The following MCM9 variants were observed in gnomAD, a reference collection of about 807,000 sequenced individuals.
MCM9 encodes DNA helicase MCM9.
A neutral mutation model predicts 72.8 loss-of-function variants in MCM9; 55 were observed. That is an observed-to-expected ratio of 0.76 (90% CI 0.61 to 0.95). The LOEUF (loss-of-function observed/expected upper bound fraction) is 0.95. MCM9 is among the 40% of genes least tolerant of loss of function. MCM9 has a pLI of 0.00. For synonymous variants in MCM9, 480 were observed against 503.4 expected (o/e 0.95, Z 0.62); for missense variants, 1,279 against 1,377.0 (o/e 0.93, Z 1.13).
chr6:118,840,152 T>G (rs1343212005), intron 9 of MCM9, among the ~76,000 whole-genome samples: 10 of 140,052 alleles, frequency 7.1e-5, no homozygotes, highest in Non-Finnish European at 1.5e-4. Context: ...GAACTGTAGA[T>G]GGTAGATTTT....
chr6:118,906,913 C>G (rs559877872), intron 8 of MCM9, among the ~76,000 whole-genome samples: 1 of 152,252 alleles, frequency 6.6e-6, no homozygotes, highest in East Asian at 1.9e-4. Context: ...AATTTGTTAT[C>G]CCTGAAGCAC....
intron 8 of MCM9, among the ~76,000 whole-genome samples, chr6:118,875,768 T>A (rs1293870436): frequency 2.0e-5 from 3 of 152,184 alleles, no homozygotes; most frequent in East Asian, 3.8e-4. Flanking sequence ...ACAGGAATTG[T>A]CATTTATTGC....
chr6:118,913,246 C>CT (rs1252301861), intron 7 of MCM9, 49 bp downstream of exon 7: 1 of 1,597,880 alleles, frequency 6.3e-7, no homozygotes. Context: ...AAAGTTCTAG[C>CT]TTCCATCCAT....
rs1010662945 is a variant in MCM9 at position 118,856,490 on chromosome 6, T to C, written c.1206A>G (p.Ala402=). ...DSGEWNLEAG[A]LVLADAGLCC... ...AAAGGCCCGCATCTGCAAGAACTAA[T>C]GCCCCAGCCTCCAAATTCCATTCTC... The change falls in exon 9 of 14, where the codon GCA becomes GCG. Residue 402 remains alanine (A), a synonymous_variant. Transcript: ENST00000619706. 42 of 1,535,656 alleles carry C rather than the reference T, an allele frequency of 2.7e-5. No homozygotes were observed. The East Asian group carries it at 9.8e-4, about 36-fold the overall frequency.
At chr6:118,843,692 A>ATATATGTATGTATATATATATATG (rs1464258046) in intron 9 of MCM9, among the ~76,000 whole-genome samples, 1 of 63,792 alleles carries the variant, frequency 1.6e-5, no homozygotes, top group African/African-American at 6.7e-5. Context: ...ATATGTGTAT[A>ATATATGTATGTATATATATATATG]TATATATATA....
chr6:118,934,629 C>T (rs1009937992), intron 1 of MCM9, among the ~76,000 whole-genome samples: 3 of 152,086 alleles, frequency 2.0e-5, no homozygotes, highest in Admixed American at 1.3e-4. Flanking sequence ...CTCGGCTGCC[C>T]CAGGGGCGCC....
intron 9 of MCM9, among the ~76,000 whole-genome samples, chr6:118,847,422 CAAAAAAA>C (rs368957444): frequency 8.8e-6 from 1 of 113,890 alleles, no homozygotes; most frequent in African/African-American, 3.6e-5. Context: ...CATGAATCTT[CAAAAAAA>C]AAAAAAAAAA....
At chr6:118,866,163 G>A (rs2114274575) in intron 8 of MCM9, among the ~76,000 whole-genome samples, 1 of 152,276 alleles carries the variant, frequency 6.6e-6, no homozygotes, top group South Asian at 2.1e-4. Flanking sequence ...ACAACAGTCT[G>A]GATGAACTCG....
chr6:118,917,918 C>A, intron 5 of MCM9, 157 bp from the exon 6 acceptor site: 2 of 620,952 alleles, frequency 3.2e-6, no homozygotes, highest in Non-Finnish European at 5.6e-6. Flanking sequence ...CAGAATAGCA[C>A]CCCAGATTCT....
In MCM9 at chr6:118,815,071, C is replaced by A. The variant is rs776426031; in HGVS notation, c.3185G>T (p.Cys1062Phe). Reference sequence around the variant, plus strand: ...TTTGGATTCCGATGGGGGAGTAAAGCAGAAGTTTGCCAATCTGGCTAATGT... The same window carrying A: ...TTTGGATTCCGATGGGGGAGTAAAGAAGAAGTTTGCCAATCTGGCTAATGT... ...ACTLARLANFCFTPPSESKSK... is the reference protein window; with the variant it reads ...ACTLARLANFFFTPPSESKSK... The change falls in exon 14 of 14, where the codon TGC becomes TTC. Residue 1062 changes from cysteine (C) to phenylalanine (F), a missense_variant. Cys to Phe is a radical substitution (Grantham distance 205). Transcript: ENST00000619706. 12 of 1,550,662 alleles carry A rather than the reference C, an allele frequency of 7.7e-6. No homozygotes were observed. In the South Asian group the frequency reaches 1.4e-4, roughly 18 times the overall value.
At chr6:118,873,192 A>AGGAGG (rs1185119151) in intron 8 of MCM9, among the ~76,000 whole-genome samples, 78 of 48,776 alleles carry the variant, frequency 1.6e-3, no homozygotes, top group Non-Finnish European at 2.2e-3. Flanking sequence ...GGGAGGGGAG[A>AGGAGG]GGAGGGGAGG....
chr6:118,842,673 C>T lies in MCM9; in HGVS notation c.1326-13423G>A, dbSNP rs148358216. ...TATCTGGGACCACAGGCATGCATCA[C>T]CACGCTTTGCTATTTTTAAAATTTT... On this transcript the variant is annotated intron_variant, in intron 9 of 13. Coordinates refer to ENST00000619706, the MANE Select transcript of MCM9 (RefSeq NM_017696.3). 3.9e-3 allele frequency among the ~76,000 whole-genome samples: 593 copies of T among 152,234 alleles called. 7 individuals are homozygous for T. The highest frequency in any genetic ancestry group is 0.013 in the African/African-American group (547 of 41,522).
At chr6:118,856,175 C>A (rs1776541138) in intron 9 of MCM9, among the ~76,000 whole-genome samples, 196 bp downstream of exon 9, 5 of 152,154 alleles carry the variant, frequency 3.3e-5, no homozygotes, top group Admixed American at 3.3e-4. Flanking sequence ...TTTTCTCTTT[C>A]CCAATAGCTC....
chr6:118,904,897 G>C (rs576266374), intron 8 of MCM9, among the ~76,000 whole-genome samples: 175 of 152,320 alleles, frequency 1.1e-3, no homozygotes, highest in Non-Finnish European at 1.7e-3. Flanking sequence ...GAGTGCAGTA[G>C]TGCGATCTCA....
intron 8 of MCM9, chr6:118,900,957 T>A: frequency 9.6e-7 from 1 of 1,042,714 alleles, no homozygotes; most frequent in Non-Finnish European, 1.5e-6. Context: ...CTTATAACCC[T>A]TATCCCTTTC....
intron 9 of MCM9, among the ~76,000 whole-genome samples, chr6:118,844,435 A>G (rs1484552821): frequency 6.6e-6 from 1 of 151,698 alleles, no homozygotes; most frequent in African/African-American, 2.4e-5. Context: ...CAGATGATAG[A>G]TATACAATTG....
chr6:118,843,713 T>TAC (rs1172571404), intron 9 of MCM9, among the ~76,000 whole-genome samples: 3 of 80,962 alleles, frequency 3.7e-5, no homozygotes, highest in Admixed American at 1.5e-4. Context: ...TGTATGTATA[T>TAC]ATATATGTAT....
chr6:118,888,361 C>G (rs1404578770), intron 8 of MCM9, among the ~76,000 whole-genome samples: 1 of 152,070 alleles, frequency 6.6e-6, no homozygotes, highest in Non-Finnish European at 1.5e-5. Context: ...GTGGCGGGCG[C>G]CTGTAGTCCC....
At chr6:118,819,929 T>C (rs1773681122) in intron 13 of MCM9, among the ~76,000 whole-genome samples, 2 of 152,340 alleles carry the variant, frequency 1.3e-5, no homozygotes, top group African/African-American at 4.8e-5. Flanking sequence ...CAGTATTCTC[T>C]AATGGTAGTT....
Sources: allele counts gnomAD v4.1 joint callset (sites outside exome capture counted in the v4.1 genomes callset), GRCh38; gene constraint gnomAD v4.1.1; transcripts MANE v1.5; gene names NCBI Gene and HGNC (gene_info 2026-07-23, HGNC 2026-07-21).